Variants in FAM53A observed in about 807,000 individuals in gnomAD.
FAM53A encodes protein FAM53A.
A neutral mutation model predicts 26.6 loss-of-function variants in FAM53A; 28 were observed. That is an observed-to-expected ratio of 1.05 (90% CI 0.78 to 1.45). The LOEUF (loss-of-function observed/expected upper bound fraction) is 1.45. FAM53A is among the 40% of genes most tolerant of loss of function. The pLI is 0.00. For synonymous variants in FAM53A, 290 were observed against 253.1 expected, an observed-to-expected ratio of 1.15 and a Z score of -1.38; for missense variants, 650 against 575.8, an observed-to-expected ratio of 1.13 and a Z score of -1.32.
chr4:1,678,033 C>T (rs1715159146), intron 1 of FAM53A, among the ~76,000 whole-genome samples: 1 of 152,160 alleles, frequency 6.6e-6, no homozygotes, highest in Admixed American at 6.6e-5. Flanking sequence ...AGTTGGAGGA[C>T]TGACACTATT....
In FAM53A at chr4:1,641,468, C is replaced by G. The variant is rs1388903803; in HGVS notation, c.1022G>C (p.Arg341Thr). The G allele has an allele frequency of 3.2e-5, 51 of 1,614,176 alleles. No homozygotes were observed. Among genetic ancestry groups the G allele is most frequent in the Non-Finnish European group, 4.2e-5 (49 of 1,180,016 alleles). The change falls in exon 5 of 5, where the codon AGG becomes ACG. Residue 341 changes from arginine to threonine, a missense_variant. Coordinates refer to ENST00000308132, the MANE Select transcript of FAM53A (RefSeq NM_001174070.3). ...PGITMPGCSQ[R>T]GLRTSPVHPN... is the part of the protein sequence containing the mutation. ...GTGGACAGGGCTGGTCCTGAGGCCC[C>G]TCTGGCTGCAGCCAGGCATGGTGAT...
chr4:1,685,157 G>T (rs1715739021), upstream of FAM53A, among the ~76,000 whole-genome samples: 1 of 152,208 alleles, frequency 6.6e-6, no homozygotes, highest in East Asian at 1.9e-4. Flanking sequence ...GCCCTGGGCT[G>T]TGTGGATATC....
At chr4:1,620,960 C>T (rs975506257) in intron 1 of FAM53A, among the ~76,000 whole-genome samples, 4 of 152,102 alleles carry the variant, frequency 2.6e-5, no homozygotes, top group Non-Finnish European at 5.9e-5. Flanking sequence ...TCCACCTCCT[C>T]GCATGTGGCT....
intron 2 of FAM53A, among the ~76,000 whole-genome samples, chr4:1,658,785 C>G (rs1301973040): frequency 6.6e-6 from 1 of 152,244 alleles, no homozygotes; most frequent in Non-Finnish European, 1.5e-5. Context: ...GGATGGGGCA[C>G]AGGAGGGGGG....
chr4:1,613,042 G>A (rs914480825), downstream of FAM53A, among the ~76,000 whole-genome samples: 1 of 152,128 alleles, frequency 6.6e-6, no homozygotes, highest in Non-Finnish European at 1.5e-5. Flanking sequence ...GTGACCAAAG[G>A]GTCAGCAGAG....
At chr4:1,673,991 G>C (rs923396682) in intron 1 of FAM53A, among the ~76,000 whole-genome samples, 1 of 152,260 alleles carries the variant, frequency 6.6e-6, no homozygotes, top group Non-Finnish European at 1.5e-5. Flanking sequence ...GCGTTAGTCA[G>C]GTCATCACCG....
chr4:1,644,599 C>T, intron 4 of FAM53A: 1 of 452,686 alleles, frequency 2.2e-6, no homozygotes, highest in Admixed American at 3.7e-5. Flanking sequence ...GGGGCTCCGT[C>T]CCAGCTCCTG....
At chr4:1,664,433 G>T (rs41357348) in intron 2 of FAM53A, among the ~76,000 whole-genome samples, 40,906 of 152,102 alleles carry the variant, frequency 0.27, 6,247 homozygotes, top group Middle Eastern at 0.46. Flanking sequence ...TGTACGAGTT[G>T]CTACTCTCTA....
chr4:1,614,289 G>A (rs1714727320), downstream of FAM53A, among the ~76,000 whole-genome samples: 1 of 152,112 alleles, frequency 6.6e-6, no homozygotes, highest in Admixed American at 6.5e-5. Context: ...CAAAGTCACG[G>A]GGCCTGCTGA....
chr4:1,578,725 A>C, the FAM53A span, among the ~76,000 whole-genome samples: 1 of 142,456 alleles, frequency 7.0e-6, no homozygotes, highest in Non-Finnish European at 1.5e-5. Flanking sequence ...CAAAGCTCCC[A>C]CCGTCACCAG....
the FAM53A span, among the ~76,000 whole-genome samples, chr4:1,594,038 G>A: frequency 1.3e-5 from 2 of 152,134 alleles, no homozygotes; most frequent in African/African-American, 2.4e-5. Flanking sequence ...GGCAGCTCCC[G>A]GGGCCAAGGG....
chr4:1,576,701 G>C, the FAM53A span, among the ~76,000 whole-genome samples: 22 of 152,246 alleles, frequency 1.4e-4, no homozygotes, highest in African/African-American at 5.3e-4. Flanking sequence ...ACGCCGCAGG[G>C]GCGACTGGGA....
chr4:1,601,376 C>A, the FAM53A span, among the ~76,000 whole-genome samples: 2 of 113,024 alleles, frequency 1.8e-5, 1 homozygote, highest in Non-Finnish European at 4.3e-5. Context: ...CTCAAGGGCC[C>A]ATCCGTCCAC....
At chr4:1,614,939 C>T (rs1714753634), downstream of FAM53A, among the ~76,000 whole-genome samples, 1 of 152,224 alleles carries the variant, frequency 6.6e-6, no homozygotes, top group African/African-American at 2.4e-5. Flanking sequence ...GGCACAGGGG[C>T]CGCTTTAAAC....
At chr4:1,620,352 A>C (rs1714976040) in intron 1 of FAM53A, among the ~76,000 whole-genome samples, 1 of 152,142 alleles carries the variant, frequency 6.6e-6, no homozygotes, top group Admixed American at 6.5e-5. Context: ...CCACAGAAGC[A>C]CCTGAGCTCT....
intron 1 of FAM53A, among the ~76,000 whole-genome samples, chr4:1,632,240 G>A (rs1284077278): frequency 2.0e-5 from 3 of 151,328 alleles, no homozygotes; most frequent in South Asian, 4.2e-4. Context: ...AAGGTCACAC[G>A]AGTCGGTCCT....
At chr4:1,637,399 T>C (rs995840002), downstream of FAM53A, among the ~76,000 whole-genome samples, 2 of 151,702 alleles carry the variant, frequency 1.3e-5, no homozygotes, top group East Asian at 1.9e-4. Flanking sequence ...GAGGGAACGG[T>C]TGGGGGTGAG....
intron 1 of FAM53A, among the ~76,000 whole-genome samples, chr4:1,632,566 C>A (rs1489015950): frequency 6.6e-6 from 1 of 152,212 alleles, no homozygotes; most frequent in Non-Finnish European, 1.5e-5. Context: ...AAAAGCAACA[C>A]CCATTCGTGA....
downstream of FAM53A, among the ~76,000 whole-genome samples, chr4:1,615,890 C>T (rs1161163932): frequency 1.3e-5 from 2 of 152,200 alleles, no homozygotes; most frequent in African/African-American, 4.8e-5. Context: ...GACGTTAGGG[C>T]AGGGGCTGGG....
Sources: gnomAD v4.1 joint callset for allele counts (sites outside exome capture counted in the v4.1 genomes callset) on GRCh38, gnomAD v4.1.1 for gene constraint, MANE v1.5 for transcripts, NCBI Gene and HGNC (gene_info 2026-07-23, HGNC 2026-07-21) for gene names.